NR3C1: variants seen among roughly 807,000 people sequenced by gnomAD.
NR3C1 encodes nuclear receptor subfamily 3 group C member 1, also known as glucocorticoid receptor.
Under a neutral mutation model 74.0 loss-of-function variants are expected in NR3C1, and 14 were observed. The ratio of observed to expected loss-of-function variants is 0.19; its 90% CI spans 0.12 to 0.30. The LOEUF (loss-of-function observed/expected upper bound fraction) is 0.30, where lower values mean the gene tolerates loss of function less well. Ranked by LOEUF, NR3C1 falls within the 10% of genes least tolerant of loss-of-function variation. The pLI, the probability that NR3C1 is intolerant of heterozygous loss-of-function variation, is 1.00. For missense variants in NR3C1, 695 were observed against 909.8 expected, an observed-to-expected ratio of 0.76 and a Z score of 3.04; for synonymous variants, 308 against 332.5, an observed-to-expected ratio of 0.93 and a Z score of 0.80.
At chr5:143,373,576 C>G (rs898088334) in intron 2 of NR3C1, among the ~76,000 whole-genome samples, 2 of 151,430 alleles carry the variant, frequency 1.3e-5, no homozygotes, top group Admixed American at 6.6e-5. Context: ...CAAACCTGCA[C>G]GTTGTGCACA....
At chr5:143,323,800 G>A (rs940680778) in intron 2 of NR3C1, among the ~76,000 whole-genome samples, 1 of 152,074 alleles carries the variant, frequency 6.6e-6, no homozygotes, top group Admixed American at 6.6e-5. Context: ...GGGTAGGGGG[G>A]TGTCACAGGT....
chr5:143,284,961 G>A (rs1814022254), intron 7 of NR3C1, among the ~76,000 whole-genome samples: 1 of 151,808 alleles, frequency 6.6e-6, no homozygotes, highest in Admixed American at 6.6e-5. Flanking sequence ...TAATTTATGG[G>A]TCAGACTACT....
intron 2 of NR3C1, among the ~76,000 whole-genome samples, chr5:143,360,154 A>G (rs1233734343): frequency 6.6e-6 from 1 of 152,238 alleles, no homozygotes; most frequent in Non-Finnish European, 1.5e-5. Flanking sequence ...TTGTCAAAAA[A>G]AGCCACATTT....
intron 2 of NR3C1, 53 bp from the exon 3 acceptor site, chr5:143,314,221 A>C: frequency 3.2e-6 from 5 of 1,581,852 alleles, no homozygotes; most frequent in Non-Finnish European, 4.3e-6. Flanking sequence ...GAATATCAAA[A>C]TACAGTTCTC....
intron 4 of NR3C1, among the ~76,000 whole-genome samples, chr5:143,301,853 TATG>T (rs533538652): frequency 1.3e-5 from 2 of 152,206 alleles, no homozygotes; most frequent in African/African-American, 2.4e-5. Context: ...GGAGGACAGA[TATG>T]GTGGTGGGAA....
chr5:143,336,744 G>A (rs1600085772), intron 2 of NR3C1, among the ~76,000 whole-genome samples: 1 of 151,980 alleles, frequency 6.6e-6, no homozygotes, highest in East Asian at 1.9e-4. Flanking sequence ...GGCTAAAGCA[G>A]GCAGATCACT....
chr5:143,288,281 G>T (rs1422223641), intron 7 of NR3C1, among the ~76,000 whole-genome samples: 2 of 151,862 alleles, frequency 1.3e-5, no homozygotes, highest in Non-Finnish European at 2.9e-5. Flanking sequence ...ACCACGCCTG[G>T]CTAATTTTTT....
intron 4 of NR3C1, among the ~76,000 whole-genome samples, chr5:143,309,338 G>A (rs866920055): frequency 6.6e-6 from 1 of 152,114 alleles, no homozygotes; most frequent in African/African-American, 2.4e-5. Flanking sequence ...CCCAAAGTGC[G>A]GGGAGACCAA....
At chr5:143,370,380 C>T (rs1834032241) in intron 2 of NR3C1, among the ~76,000 whole-genome samples, 1 of 152,184 alleles carries the variant, frequency 6.6e-6, no homozygotes. Context: ...AAAATGTTAA[C>T]TTCAAAGAAT....
chr5:143,403,328 AAAAG>A lies in NR3C1; in HGVS notation c.-135_-132del, dbSNP rs1476980085. On this transcript the variant is annotated 5_prime_UTR_variant, in exon 1 of 9. An upstream open reading frame in the 5' UTR gains an earlier in-frame stop. Coordinates refer to ENST00000394464, the MANE Select transcript of NR3C1 (RefSeq NM_000176.3). ...GGGAAATATATTTTTTTTTTCTAAA[AAAAG>A]GAAGTAAACAGCCGCCCCTTTCTCC... 126 of 985,404 alleles carry A rather than the reference AAAAG, an allele frequency of 1.3e-4. No homozygotes were observed. The highest frequency in any genetic ancestry group is 1.5e-4 in the Non-Finnish European group (123 of 829,932). 61.0% of individuals were successfully genotyped at this position (985,404 alleles called of 1,614,324 possible).
intron 2 of NR3C1, among the ~76,000 whole-genome samples, chr5:143,314,741 A>T (rs1326979082): frequency 6.6e-6 from 1 of 152,182 alleles, no homozygotes; most frequent in African/African-American, 2.4e-5. Context: ...TTACAATCTT[A>T]AAGTTTTTGT....
At position 143,337,085 on chromosome 5, in the gene NR3C1, AAAG is replaced by A. The variant is rs1217451849; in HGVS notation, c.1185-22920_1185-22918del. Among the ~76,000 whole-genome samples the A allele has an allele frequency of 3.3e-5, 5 of 152,204 alleles. No individual in the cohort carries two copies. In the East Asian group the frequency reaches 9.6e-4, roughly 29 times the overall value. On this transcript the variant is annotated intron_variant, in intron 2 of 8. Coordinates refer to ENST00000394464, the MANE Select transcript of NR3C1 (RefSeq NM_000176.3). ...AGCACCATCAAGCTGACAAAATGAT[AAAG>A]AATTAGGCTAAATCTAAAGGAAAGC...
upstream of NR3C1, chr5:143,404,169 G>A: frequency 1.0e-6 from 1 of 985,508 alleles, no homozygotes; most frequent in Non-Finnish European, 1.2e-6. Flanking sequence ...AAGAGCCGGG[G>A]CGCCTCCCGC....
chr5:143,321,652 A>G (rs1823405933), intron 2 of NR3C1, among the ~76,000 whole-genome samples: 1 of 152,172 alleles, frequency 6.6e-6, no homozygotes, highest in African/African-American at 2.4e-5. Flanking sequence ...TTCCAGTCAT[A>G]TGTCTTATCA....
chr5:143,410,580 A>C (rs1162710975), intron 1 of NR3C1, among the ~76,000 whole-genome samples: 1 of 152,178 alleles, frequency 6.6e-6, no homozygotes, highest in African/African-American at 2.4e-5. Flanking sequence ...TACTTGAATG[A>C]GCCTGGGGTA....
chr5:143,315,677 T>C (rs2151627125), intron 2 of NR3C1, among the ~76,000 whole-genome samples: 1 of 152,318 alleles, frequency 6.6e-6, no homozygotes, highest in East Asian at 1.9e-4. Flanking sequence ...CAGAGCAAAG[T>C]AACTTAAAAT....
At position 143,399,657 on chromosome 5, in the gene NR3C1, T is replaced by A; in HGVS notation, c.1183A>T (p.Ser395Cys). Residue 395 changes from serine (S) to cysteine (C), a missense_variant and splice_region_variant, in exon 2 of 9, where the codon AGC (serine) becomes TGC (cysteine). Coordinates refer to ENST00000394464, the MANE Select transcript of NR3C1 (RefSeq NM_000176.3). ...GRTVFSNGYSSPSMRPDVSSP... is the reference protein window; with the variant it reads ...GRTVFSNGYSCPSMRPDVSSP... ...GAAACAGAAAAACACTGATCTTACCTTGAATAGCCATTAGAAAAAACTGTT... is the reference window on the plus strand; with the variant it reads ...GAAACAGAAAAACACTGATCTTACCATGAATAGCCATTAGAAAAAACTGTT... 6.2e-7 allele frequency: 1 copy of A among 1,604,742 alleles called. No homozygotes were observed. Among genetic ancestry groups the A allele is most frequent in the Non-Finnish European group, 8.5e-7 (1 of 1,171,412 alleles).
At chr5:143,387,016 G>C (rs1211358011) in intron 2 of NR3C1, among the ~76,000 whole-genome samples, 1 of 152,188 alleles carries the variant, frequency 6.6e-6, no homozygotes, top group Admixed American at 6.5e-5. Flanking sequence ...AGATTAATCT[G>C]GCAGTAGACT....
At chr5:143,310,051 T>G (rs781678842) in intron 4 of NR3C1, 46 bp downstream of exon 4, 4 of 1,404,262 alleles carry the variant, frequency 2.8e-6, no homozygotes, top group African/African-American at 2.8e-5. Flanking sequence ...TGATAAATTT[T>G]TATAAGCTAC....
Sources: gnomAD v4.1 joint callset for allele counts (sites outside exome capture counted in the v4.1 genomes callset) on GRCh38, gnomAD v4.1.1 for gene constraint, MANE v1.5 for transcripts, NCBI Gene and HGNC (gene_info 2026-07-23, HGNC 2026-07-21) for gene names.